The following PRKD1 variants were observed in gnomAD, a reference collection of about 807,000 sequenced individuals.
The protein encoded by PRKD1 is protein kinase D1, also known as serine/threonine-protein kinase D1.
PRKD1 carries 63 observed loss-of-function variants against 95.9 expected under a neutral mutation model. That is an observed-to-expected ratio of 0.66 (90% CI 0.54 to 0.81). The LOEUF is 0.81. Among genes scored for constraint, PRKD1 ranks in the 30% least tolerant of loss-of-function variants. PRKD1 has a pLI of 0.00. For synonymous variants in PRKD1, 425 were observed against 423.1 expected (o/e 1.00, Z -0.05); for missense variants, 1,048 against 1,165.3 (o/e 0.90, Z 1.47).
chr14:29,772,303 A>G (rs1386724295), intron 1 of PRKD1, among the ~76,000 whole-genome samples: 1 of 152,098 alleles, frequency 6.6e-6, no homozygotes, highest in East Asian at 1.9e-4. Context: ...TGTGATTAGT[A>G]CCCCTATAAA....
intron 13 of PRKD1, among the ~76,000 whole-genome samples, chr14:29,622,018 G>A (rs976632393): frequency 7.2e-5 from 11 of 152,114 alleles, no homozygotes; most frequent in African/African-American, 1.9e-4. Flanking sequence ...TTTTAGAGCC[G>A]TGGTCCCCAA....
chr14:29,703,282 T>C (rs1365083406), intron 2 of PRKD1, among the ~76,000 whole-genome samples: 1 of 152,184 alleles, frequency 6.6e-6, no homozygotes, highest in East Asian at 1.9e-4. Flanking sequence ...TTTTACTTTC[T>C]CCCCTTTCAG....
Position 29,826,782 on chromosome 14 carries a change from C to CACAT in PRKD1, c.264+100466_264+100467insATGT, listed in dbSNP as rs1409428184. ...ACATATATATATACACATATATATA[C>CACAT]ATATATACACATATATATACACATA... On this transcript the variant is annotated intron_variant, in intron 1 of 17. Coordinates refer to ENST00000331968, the MANE Select transcript of PRKD1 (RefSeq NM_002742.3). Among the ~76,000 whole-genome samples, 18 of 25,256 alleles carry CACAT rather than the reference C, an allele frequency of 7.1e-4. 4 individuals are homozygous for CACAT. The highest frequency in any genetic ancestry group is 1.6e-3 in the African/African-American group (10 of 6,074). 16.6% of individuals were successfully genotyped at this position (25,256 alleles called of 152,430 possible).
chr14:29,843,905 C>T (rs1021197721), intron 1 of PRKD1, among the ~76,000 whole-genome samples: 4 of 152,116 alleles, frequency 2.6e-5, no homozygotes, highest in African/African-American at 9.7e-5. Flanking sequence ...AGATGACATT[C>T]GAGCAGACTT....
At chr14:29,593,177 G>A (rs1893188748) in intron 16 of PRKD1, among the ~76,000 whole-genome samples, 1 of 152,076 alleles carries the variant, frequency 6.6e-6, no homozygotes, top group Non-Finnish European at 1.5e-5. Flanking sequence ...TGGCTACAGG[G>A]CAAATACTGT....
In PRKD1 at chr14:29,622,631, G is replaced by A. The variant is rs1406113524; in HGVS notation, c.1905+1521C>T. ...ATGGCCAGGCTGGTCTCAAACTCCC[G>A]ACCTCAGGTGATCCGCCCTCCTCCG... On this transcript the variant is annotated intron_variant, in intron 13 of 17. Coordinates refer to ENST00000331968, the MANE Select transcript of PRKD1 (RefSeq NM_002742.3). 4.6e-5 allele frequency among the ~76,000 whole-genome samples: 7 copies of A among 151,996 alleles called. No individual in the cohort carries two copies. The South Asian group carries it at 1.0e-3, about 23-fold the overall frequency.
intron 1 of PRKD1, among the ~76,000 whole-genome samples, chr14:29,863,205 C>T (rs1295958056): frequency 6.6e-6 from 1 of 152,150 alleles, no homozygotes; most frequent in African/African-American, 2.4e-5. Context: ...ATTTATTTCA[C>T]ATTACAGACA....
intron 4 of PRKD1, among the ~76,000 whole-genome samples, chr14:29,639,725 A>G (rs912571032): frequency 2.0e-5 from 3 of 152,048 alleles, no homozygotes; most frequent in Non-Finnish European, 2.9e-5. Flanking sequence ...AATAAATATG[A>G]TTTTACATTT....
At chr14:29,611,467 G>A (rs1000537720) in intron 13 of PRKD1, among the ~76,000 whole-genome samples, 2 of 151,860 alleles carry the variant, frequency 1.3e-5, no homozygotes, top group Non-Finnish European at 2.9e-5. Flanking sequence ...AATTTTAGGG[G>A]GTGGGGGGAG....
chr14:29,771,270 A>G (rs2139138706), intron 1 of PRKD1, among the ~76,000 whole-genome samples: 1 of 152,236 alleles, frequency 6.6e-6, no homozygotes, highest in South Asian at 2.1e-4. Context: ...CCCCAGCTGC[A>G]TTTTGGAGAG....
intron 16 of PRKD1, among the ~76,000 whole-genome samples, chr14:29,596,601 G>A (rs910092875): frequency 1.9e-4 from 29 of 152,052 alleles, no homozygotes; most frequent in Admixed American, 5.2e-4. Context: ...CTACAGGCAC[G>A]TGCCACCACG....
At chr14:29,784,887 A>C (rs1166274384) in intron 1 of PRKD1, among the ~76,000 whole-genome samples, 1 of 152,214 alleles carries the variant, frequency 6.6e-6, no homozygotes, top group Non-Finnish European at 1.5e-5. Flanking sequence ...CTGGCTTTAC[A>C]AATGCTCTTT....
At chr14:29,905,692 AG>A (rs1894471702) in intron 1 of PRKD1, among the ~76,000 whole-genome samples, 1 of 152,206 alleles carries the variant, frequency 6.6e-6, no homozygotes, top group South Asian at 2.1e-4. Flanking sequence ...ACGTGCACCA[AG>A]GGCTGGGAGA....
At chr14:29,839,144 C>T (rs1392242599) in intron 1 of PRKD1, among the ~76,000 whole-genome samples, 1 of 152,052 alleles carries the variant, frequency 6.6e-6, no homozygotes, top group African/African-American at 2.4e-5. Context: ...TGATGATTAA[C>T]AGCAGACATA....
At chr14:29,626,342 A>G (rs1049052391) in intron 12 of PRKD1, 142 bp downstream of exon 12, 26 of 687,006 alleles carry the variant, frequency 3.8e-5, no homozygotes, top group Middle Eastern at 4.2e-4. Context: ...AAAATTTTTT[A>G]AACGCAGAAC....
chr14:29,839,103 A>T (rs893000558), intron 1 of PRKD1, among the ~76,000 whole-genome samples: 1 of 152,226 alleles, frequency 6.6e-6, no homozygotes, highest in Non-Finnish European at 1.5e-5. Context: ...GAAAAAAAAA[A>T]TTCCTCGTTT....
intron 2 of PRKD1, among the ~76,000 whole-genome samples, chr14:29,669,931 TCACC>T (rs1882745295): frequency 6.6e-6 from 1 of 152,184 alleles, no homozygotes; most frequent in Non-Finnish European, 1.5e-5. Context: ...TTCCTTTCAT[TCACC>T]CATAAACACA....
chr14:29,647,492 T>C (rs773791891), intron 4 of PRKD1, among the ~76,000 whole-genome samples: 14 of 152,322 alleles, frequency 9.2e-5, no homozygotes, highest in South Asian at 4.1e-4. Flanking sequence ...AAACACATTA[T>C]GTGGGAAAAC....
chr14:29,865,884 T>TCC (rs201029585), intron 1 of PRKD1, among the ~76,000 whole-genome samples: 2,382 of 152,298 alleles, frequency 0.016, 60 homozygotes, highest in African/African-American at 0.049. Flanking sequence ...TAGTCCTGTA[T>TCC]GTTACTGACT....
Sources: gnomAD v4.1 joint callset for allele counts (sites outside exome capture counted in the v4.1 genomes callset) on GRCh38, gnomAD v4.1.1 for gene constraint, MANE v1.5 for transcripts, NCBI Gene and HGNC (gene_info 2026-07-23, HGNC 2026-07-21) for gene names.